The following NRXN1 variants were observed in gnomAD, a reference collection of about 807,000 sequenced individuals.
The protein encoded by NRXN1 is neurexin-1.
NRXN1 carries 39 observed loss-of-function variants against 150.9 expected under a neutral mutation model. The ratio of observed to expected loss-of-function variants is 0.26; its 90% confidence interval spans 0.20 to 0.34. NRXN1 has a LOEUF of 0.34. NRXN1 is among the 10% of genes least tolerant of loss of function. The probability of loss-of-function intolerance (pLI) is 1.00; values close to 1 mark genes in which losing one functional copy is unlikely to be tolerated. For synonymous variants in NRXN1, 924 were observed against 757.0 expected, an observed-to-expected ratio of 1.22 and a Z score of -3.62; for missense variants, 1,815 against 1,949.9, an observed-to-expected ratio of 0.93 and a Z score of 1.30.
intron 18 of NRXN1, among the ~76,000 whole-genome samples, chr2:50,226,292 T>C (rs773657578): frequency 5.9e-5 from 9 of 152,056 alleles, no homozygotes; most frequent in Non-Finnish European, 1.3e-4. Context: ...GACTGCTTCA[T>C]AGTTTAAAAA....
chr2:51,015,367 C>T (rs1454456324), intron 2 of NRXN1, among the ~76,000 whole-genome samples: 2 of 152,020 alleles, frequency 1.3e-5, no homozygotes, highest in African/African-American at 4.8e-5. Context: ...AGAAGACACT[C>T]AGAATTGTGT....
chr2:50,791,511 C>A (rs1189817364), intron 5 of NRXN1, among the ~76,000 whole-genome samples: 1 of 152,052 alleles, frequency 6.6e-6, no homozygotes, highest in Non-Finnish European at 1.5e-5. Context: ...CGCCCAGAAT[C>A]TCCTCTTGCT....
chr2:50,656,559 A>C (rs748081328), intron 5 of NRXN1: 23 of 575,714 alleles, frequency 4.0e-5, no homozygotes, highest in Admixed American at 9.0e-5. Flanking sequence ...TATACAAAAG[A>C]ATGGTTAAAT....
chr2:50,073,188 C>G (rs1440774654), intron 19 of NRXN1, among the ~76,000 whole-genome samples: 1 of 152,110 alleles, frequency 6.6e-6, no homozygotes, highest in African/African-American at 2.4e-5. Flanking sequence ...CAGACATTTG[C>G]AGACATTTAT....
chr2:50,232,116 C>A (rs1034031719), intron 18 of NRXN1, among the ~76,000 whole-genome samples: 1 of 151,926 alleles, frequency 6.6e-6, no homozygotes, highest in African/African-American at 2.4e-5. Flanking sequence ...CAGAAAAATA[C>A]CAAGAAATAC....
At chr2:49,938,137 G>T (rs1671366499) in intron 22 of NRXN1, among the ~76,000 whole-genome samples, 1 of 152,134 alleles carries the variant, frequency 6.6e-6, no homozygotes, top group Non-Finnish European at 1.5e-5. Flanking sequence ...TTTGTGAGGT[G>T]CCTGAATTTT....
chr2:50,494,640 T>C (rs2091456199), intron 15 of NRXN1, among the ~76,000 whole-genome samples: 1 of 152,164 alleles, frequency 6.6e-6, no homozygotes, highest in Non-Finnish European at 1.5e-5. Context: ...GTTGAGCAAA[T>C]AAAGTCCCAG....
At chr2:50,530,575 A>G (rs1264664542) in intron 11 of NRXN1, among the ~76,000 whole-genome samples, 4 of 152,272 alleles carry the variant, frequency 2.6e-5, no homozygotes, top group South Asian at 2.1e-4. Flanking sequence ...TCTTAATGCT[A>G]CAATTAAGCA....
intron 2 of NRXN1, among the ~76,000 whole-genome samples, chr2:50,934,170 A>T (rs377392024): frequency 3.3e-5 from 5 of 152,246 alleles, no homozygotes; most frequent in African/African-American, 9.6e-5. Flanking sequence ...ATACACACCC[A>T]ATTGGTATTT....
At chr2:50,166,915 T>C (rs1559014029) in intron 18 of NRXN1, among the ~76,000 whole-genome samples, 2 of 152,142 alleles carry the variant, frequency 1.3e-5, no homozygotes, top group African/African-American at 2.4e-5. Context: ...GGTAGAGTGG[T>C]AGAGTTTAGC....
At chr2:50,849,937 T>G (rs1331535351) in intron 5 of NRXN1, among the ~76,000 whole-genome samples, 1 of 152,124 alleles carries the variant, frequency 6.6e-6, no homozygotes, top group Non-Finnish European at 1.5e-5. Context: ...CCAGGTGTGG[T>G]GCTCATACCT....
intron 2 of NRXN1, chr2:50,985,351 T>C (rs891107934): frequency 3.3e-5 from 5 of 151,778 alleles, no homozygotes; most frequent in Non-Finnish European, 7.4e-5. Context: ...GAGAACTTAC[T>C]GAGAAATGGG....
intron 2 of NRXN1, among the ~76,000 whole-genome samples, chr2:50,939,677 T>G (rs950392518): frequency 1.1e-4 from 17 of 152,182 alleles, no homozygotes; most frequent in African/African-American, 3.9e-4. Context: ...CTAGTCACCA[T>G]GGTACCTAAC....
intron 8 of NRXN1, among the ~76,000 whole-genome samples, chr2:50,595,492 G>A (rs1186905317): frequency 1.3e-5 from 2 of 151,852 alleles, no homozygotes; most frequent in Non-Finnish European, 2.9e-5. Flanking sequence ...TTTGCTCCAG[G>A]TGAGAGAAGC....
At chr2:50,410,806 T>G (rs1337272042) in intron 17 of NRXN1, among the ~76,000 whole-genome samples, 2 of 152,202 alleles carry the variant, frequency 1.3e-5, no homozygotes, top group African/African-American at 4.8e-5. Context: ...TCACCCACTT[T>G]GAAGAGAGAC....
At chr2:50,025,091 G>A (rs1368382184) in intron 21 of NRXN1, among the ~76,000 whole-genome samples, 2 of 152,182 alleles carry the variant, frequency 1.3e-5, no homozygotes, top group Non-Finnish European at 2.9e-5. Context: ...ACAAGACACA[G>A]GTTAAATTCT....
At chr2:50,162,489 A>T (rs1381000921) in intron 18 of NRXN1, among the ~76,000 whole-genome samples, 1 of 152,154 alleles carries the variant, frequency 6.6e-6, no homozygotes, top group East Asian at 1.9e-4. Context: ...AAAGAAATAG[A>T]AAAGAAAATC....
intron 17 of NRXN1, among the ~76,000 whole-genome samples, chr2:50,457,410 A>G (rs2087682793): frequency 6.6e-6 from 1 of 152,074 alleles, no homozygotes; most frequent in South Asian, 2.1e-4. Context: ...AGAAAAGAAT[A>G]TGGCCTTGAA....
At chr2:50,271,028 T>C (rs980887078) in intron 17 of NRXN1, among the ~76,000 whole-genome samples, 1 of 152,178 alleles carries the variant, frequency 6.6e-6, no homozygotes, top group Non-Finnish European at 1.5e-5. Flanking sequence ...TGTATGCAAT[T>C]ATATGCACAA....
Sources: allele counts gnomAD v4.1 joint callset (sites outside exome capture counted in the v4.1 genomes callset), GRCh38; gene constraint gnomAD v4.1.1; transcripts MANE v1.5; gene names NCBI Gene and HGNC (gene_info 2026-07-23, HGNC 2026-07-21).